Variants in SLC10A7 observed in about 807,000 individuals in gnomAD.
The protein encoded by SLC10A7 is sodium/bile acid cotransporter 7.
In SLC10A7, 29 loss-of-function variants were observed where a neutral mutation model predicts 43.2. The ratio of observed to expected loss-of-function variants is 0.67; its 90% CI spans 0.50 to 0.92. SLC10A7 has a LOEUF of 0.92. SLC10A7 is among the 40% of genes least tolerant of loss of function. The pLI is 0.00. For missense variants in SLC10A7, 295 were observed against 403.2 expected (o/e 0.73, Z 2.30); for synonymous variants, 152 against 144.8 (o/e 1.05, Z -0.35).
chr4:146,341,731 T>G (rs1560815256), intron 5 of SLC10A7, among the ~76,000 whole-genome samples: 1 of 151,852 alleles, frequency 6.6e-6, no homozygotes, highest in Admixed American at 6.6e-5. Context: ...TAAAAAGTAA[T>G]GTATGGTAAA....
chr4:146,478,318 C>T (rs1216106631), intron 4 of SLC10A7: 1 of 152,210 alleles, frequency 6.6e-6, no homozygotes, highest in African/African-American at 2.4e-5. Context: ...AGGGAAAAAA[C>T]ATTACAGTAT....
rs1174564700 is a variant in SLC10A7 at position 146,255,227 on chromosome 4, A to G, written c.*1264T>C. ...AGTTCTATACGTGGCTTCATTCTCT[A>G]CTTGGGTCCAGTTACAGTTCTTGCA... On this transcript the variant is annotated 3_prime_UTR_variant, in exon 12 of 12. Transcript: ENST00000335472. 6.6e-6 allele frequency: 1 copy of G among 152,622 alleles called. No individual in the cohort carries two copies. The highest frequency in any genetic ancestry group is 2.1e-4 in the South Asian group (1 of 4,826). The allele number at this position is 152,622 out of a possible 1,614,324, so 9.5% of individuals were successfully genotyped here. A position where few individuals can be genotyped will look rare whatever the true frequency, so the allele number is the denominator to read the frequency against.
chr4:146,517,200 C>A, intron 1 of SLC10A7, 80 bp from the exon 2 acceptor site: 2 of 1,164,144 alleles, frequency 1.7e-6, no homozygotes, highest in Non-Finnish European at 1.2e-6. Flanking sequence ...TATTTGTTCA[C>A]ACCTGTAATC....
intron 3 of SLC10A7, among the ~76,000 whole-genome samples, chr4:146,509,679 G>A (rs971059705): frequency 2.0e-5 from 3 of 152,116 alleles, no homozygotes; most frequent in Non-Finnish European, 4.4e-5. Flanking sequence ...TCTCAGAAAA[G>A]TGCTCGTCGT....
At chr4:146,302,354 CTCTT>C (rs377489343) in intron 7 of SLC10A7, among the ~76,000 whole-genome samples, 2 of 152,314 alleles carry the variant, frequency 1.3e-5, no homozygotes, top group African/African-American at 2.4e-5. Flanking sequence ...CTTTCACTCA[CTCTT>C]TCAGCACATA....
At chr4:146,424,895 G>C (rs967471188) in intron 5 of SLC10A7, among the ~76,000 whole-genome samples, 6 of 152,024 alleles carry the variant, frequency 3.9e-5, no homozygotes, top group Admixed American at 1.3e-4. Flanking sequence ...GAACAGTATA[G>C]TGTTGAAAAA....
chr4:146,367,399 G>A (rs1437352554), intron 5 of SLC10A7, among the ~76,000 whole-genome samples: 1 of 152,040 alleles, frequency 6.6e-6, no homozygotes, highest in African/African-American at 2.4e-5. Flanking sequence ...GGTGGCTAGT[G>A]CAACTAAGGA....
At chr4:146,415,873 T>C (rs369226809) in intron 5 of SLC10A7, among the ~76,000 whole-genome samples, 10 of 152,176 alleles carry the variant, frequency 6.6e-5, no homozygotes, top group East Asian at 3.8e-4. Context: ...ATATCATAGA[T>C]TGCGAATTAG....
At chr4:146,350,564 C>G (rs1735001671) in intron 5 of SLC10A7, among the ~76,000 whole-genome samples, 1 of 143,256 alleles carries the variant, frequency 7.0e-6, no homozygotes. Context: ...TCTGTAGGCT[C>G]CACCTCTGGG....
At chr4:146,262,621 C>T (rs575227377) in intron 10 of SLC10A7, among the ~76,000 whole-genome samples, 2 of 152,216 alleles carry the variant, frequency 1.3e-5, no homozygotes, top group Non-Finnish European at 2.9e-5. Flanking sequence ...TCAATTAGAA[C>T]TCATGTAACT....
At chr4:146,421,389 A>G (rs1290599997) in intron 5 of SLC10A7, among the ~76,000 whole-genome samples, 1 of 152,122 alleles carries the variant, frequency 6.6e-6, no homozygotes, top group Non-Finnish European at 1.5e-5. Context: ...ATTGTTGTTC[A>G]TCTGGGCTCA....
At chr4:146,404,498 G>A (rs1739441867) in intron 5 of SLC10A7, among the ~76,000 whole-genome samples, 1 of 151,900 alleles carries the variant, frequency 6.6e-6, no homozygotes, top group Non-Finnish European at 1.5e-5. Flanking sequence ...GTGTGTGTGT[G>A]TGTGTGTGTG....
At chr4:146,298,922 C>T (rs1730968756) in intron 7 of SLC10A7, among the ~76,000 whole-genome samples, 1 of 152,192 alleles carries the variant, frequency 6.6e-6, no homozygotes, top group Non-Finnish European at 1.5e-5. Context: ...GACCAAACTA[C>T]ACCTCCCATC....
chr4:146,469,461 A>C (rs933765093), intron 4 of SLC10A7, among the ~76,000 whole-genome samples: 4 of 152,188 alleles, frequency 2.6e-5, no homozygotes, highest in African/African-American at 9.6e-5. Context: ...CTTCTACTTG[A>C]ATCTGCATAC....
rs146668462 is a variant in SLC10A7 at position 146,319,264 on chromosome 4, A to G, written c.471+6697T>C. On this transcript the variant is annotated intron_variant, in intron 6 of 11. Coordinates refer to ENST00000335472, the MANE Select transcript of SLC10A7 (RefSeq NM_001029998.6). The stretch of plus-strand genomic sequence containing the variant: ...CACACTGGCCACCTTGGTGTTTCTT[A>G]AGGACACTGGGTATACTCCCAGGAC... Among the ~76,000 whole-genome samples, 597 of 152,080 alleles carry G rather than the reference A, an allele frequency of 3.9e-3. 2 individuals are homozygous for G. The highest frequency in any genetic ancestry group is 0.013 in the African/African-American group (547 of 41,512).
At chr4:146,299,099 T>C (rs1457415413) in intron 7 of SLC10A7, among the ~76,000 whole-genome samples, 1 of 152,266 alleles carries the variant, frequency 6.6e-6, no homozygotes, top group African/African-American at 2.4e-5. Context: ...CTGGTCTTTT[T>C]CTTCTCCCTC....
intron 5 of SLC10A7, among the ~76,000 whole-genome samples, chr4:146,381,246 A>G (rs1197975397): frequency 1.3e-5 from 2 of 152,164 alleles, no homozygotes; most frequent in African/African-American, 4.8e-5. Flanking sequence ...GAATGATGTA[A>G]AACAGAGCAA....
chr4:146,324,485 C>G (rs909790047), intron 6 of SLC10A7, among the ~76,000 whole-genome samples: 6 of 152,182 alleles, frequency 3.9e-5, no homozygotes, highest in Non-Finnish European at 8.8e-5. Flanking sequence ...ATCTCCCCCG[C>G]TCTTCTTAAA....
chr4:146,484,384 A>G (rs1355787159), intron 4 of SLC10A7, among the ~76,000 whole-genome samples: 1 of 152,206 alleles, frequency 6.6e-6, no homozygotes, highest in Non-Finnish European at 1.5e-5. Flanking sequence ...TAAATCAACC[A>G]GACAGAAAAT....
Sources: gnomAD v4.1 joint callset for allele counts (sites outside exome capture counted in the v4.1 genomes callset) on GRCh38, gnomAD v4.1.1 for gene constraint, MANE v1.5 for transcripts, NCBI Gene and HGNC (gene_info 2026-07-23, HGNC 2026-07-21) for gene names.